Variants in SYT9 observed in about 807,000 individuals in gnomAD.
SYT9 encodes the protein synaptotagmin 9.
In SYT9, 22 loss-of-function variants were observed where a neutral mutation model predicts 48.4. That is an observed-to-expected ratio of 0.45 (90% CI 0.32 to 0.65). SYT9 has a LOEUF of 0.65. SYT9 is among the 30% of genes least tolerant of loss of function. SYT9 has a pLI of 0.03. For missense variants in SYT9, 577 were observed against 622.0 expected (o/e 0.93, Z 0.77); for synonymous variants, 265 against 245.0 (o/e 1.08, Z -0.76).
intron 3 of SYT9, among the ~76,000 whole-genome samples, chr11:7,412,008 T>C (rs1847144505): frequency 6.6e-6 from 1 of 152,214 alleles, no homozygotes; most frequent in African/African-American, 2.4e-5. Flanking sequence ...GACTGTATTT[T>C]GTATTTTATT....
chr11:7,417,642 C>G (rs1847277275), intron 4 of SYT9, among the ~76,000 whole-genome samples: 1 of 152,218 alleles, frequency 6.6e-6, no homozygotes, highest in African/African-American at 2.4e-5. Flanking sequence ...GTGCATTTCT[C>G]TTGCTATCCT....
chr11:7,311,843 A>G (rs896255957), intron 2 of SYT9, among the ~76,000 whole-genome samples: 1 of 152,206 alleles, frequency 6.6e-6, no homozygotes, highest in African/African-American at 2.4e-5. Context: ...TTCTAGCACT[A>G]CATTGGTTCC....
chr11:7,423,701 A>T (rs78920742), intron 6 of SYT9, among the ~76,000 whole-genome samples: 2 of 152,084 alleles, frequency 1.3e-5, no homozygotes, highest in African/African-American at 4.8e-5. Context: ...AATATCATCC[A>T]TGTGTGTCAT....
At chr11:7,423,781 GA>G (rs1847400211) in intron 6 of SYT9, among the ~76,000 whole-genome samples, 1 of 151,744 alleles carries the variant, frequency 6.6e-6, no homozygotes, top group African/African-American at 2.4e-5. Flanking sequence ...AGAGTGGGGG[GA>G]AGGGGTCATC....
At position 7,303,308 on chromosome 11, in the gene SYT9, T is replaced by C; in HGVS notation, c.415T>C (p.Ser139Pro). 1 of 1,613,924 alleles carries C rather than the reference T, an allele frequency of 6.2e-7. No homozygotes were observed. Among genetic ancestry groups the C allele is most frequent in the Non-Finnish European group, 8.5e-7 (1 of 1,180,008 alleles). ...CCACACCTCCCCTGACATTCCCCTC[T>C]CCACCCAGACGGGGATCCAGGAGAA... ...ISHTSPDIPL[S>P]TQTGIQENCA... The change falls in exon 2 of 7, where the codon TCC (serine) becomes CCC (proline). Residue 139 changes from serine to proline, a missense_variant. Physicochemically the swap from Ser to Pro is moderately conservative, Grantham distance 74. Transcript: ENST00000318881.
chr11:7,453,168 A>G (rs762275045), intron 6 of SYT9, among the ~76,000 whole-genome samples: 1 of 151,976 alleles, frequency 6.6e-6, no homozygotes, highest in Non-Finnish European at 1.5e-5. Flanking sequence ...AGGCGGATGG[A>G]TTGCTTGAGC....
chr11:7,352,850 G>C (rs571871915), intron 3 of SYT9, among the ~76,000 whole-genome samples: 2 of 152,194 alleles, frequency 1.3e-5, no homozygotes, highest in Non-Finnish European at 2.9e-5. Context: ...TCTTGACTGC[G>C]TGCAGTGATC....
At chr11:7,317,192 A>G (rs945882836) in intron 3 of SYT9, among the ~76,000 whole-genome samples, 1 of 152,188 alleles carries the variant, frequency 6.6e-6, no homozygotes, top group Non-Finnish European at 1.5e-5. Flanking sequence ...GTCAGGAAAG[A>G]TATTTCTCCT....
intron 3 of SYT9, 70 bp from the exon 4 acceptor site, chr11:7,415,972 C>A: frequency 1.2e-6 from 2 of 1,603,272 alleles, no homozygotes; most frequent in Non-Finnish European, 1.7e-6. Context: ...TCAGTGTGGC[C>A]TGAAGCTGAG....
At chr11:7,292,548 C>T (rs1340987173) in intron 1 of SYT9, among the ~76,000 whole-genome samples, 1 of 152,212 alleles carries the variant, frequency 6.6e-6, no homozygotes, top group African/African-American at 2.4e-5. Context: ...CTCCACACAG[C>T]CCTACAGGGC....
intron 3 of SYT9, among the ~76,000 whole-genome samples, chr11:7,337,357 C>T (rs1403055074): frequency 6.6e-6 from 1 of 151,988 alleles, no homozygotes; most frequent in Non-Finnish European, 1.5e-5. Context: ...TGCCTGATTG[C>T]TCTTTCTCTG....
rs1197476964 is a variant in SYT9 at position 7,417,939 on chromosome 11, T to G, written c.1166-18T>G. 1 of 1,609,026 alleles carries G rather than the reference T, an allele frequency of 6.2e-7. No individual in the cohort carries two copies. Among genetic ancestry groups the G allele is most frequent in the Non-Finnish European group, 8.5e-7 (1 of 1,177,924 alleles). On this transcript the variant is annotated intron_variant, in intron 4 of 6. Transcript: ENST00000318881. ...ATACGTATCCTCACAGTACTCCTGCTTCTCATGGTCTGTCCAGATCCCTAT... is the reference window on the plus strand; with the variant it reads ...ATACGTATCCTCACAGTACTCCTGCGTCTCATGGTCTGTCCAGATCCCTAT...
At chr11:7,437,786 C>T (rs1010273352) in intron 6 of SYT9, 9 of 152,252 alleles carry the variant, frequency 5.9e-5, no homozygotes, top group African/African-American at 1.9e-4. Flanking sequence ...ATTTTTACCA[C>T]AAATATTTAA....
At chr11:7,463,123 AC>A (rs1479807470) in intron 6 of SYT9, among the ~76,000 whole-genome samples, 1 of 152,024 alleles carries the variant, frequency 6.6e-6, no homozygotes, top group Admixed American at 6.6e-5. Flanking sequence ...TACCTTCTAA[AC>A]CCCTGGTACT....
intron 6 of SYT9, among the ~76,000 whole-genome samples, chr11:7,454,776 G>T (rs1848117010): frequency 6.6e-6 from 1 of 152,138 alleles, no homozygotes; most frequent in Admixed American, 6.5e-5. Flanking sequence ...TCTTGCAGGT[G>T]GTTTCTTCAC....
At chr11:7,258,171 C>T (rs1204982870) in intron 1 of SYT9, among the ~76,000 whole-genome samples, 1 of 152,152 alleles carries the variant, frequency 6.6e-6, no homozygotes, top group South Asian at 2.1e-4. Context: ...TAATCTCTTC[C>T]TAACAGGTTG....
chr11:7,329,903 C>G (rs1465499619), intron 3 of SYT9, among the ~76,000 whole-genome samples: 3 of 152,132 alleles, frequency 2.0e-5, no homozygotes, highest in African/African-American at 7.2e-5. Flanking sequence ...CATGCCAGCT[C>G]TGTTGGGATT....
chr11:7,395,438 T>C (rs1195833391), intron 3 of SYT9, among the ~76,000 whole-genome samples: 1 of 152,134 alleles, frequency 6.6e-6, no homozygotes. Flanking sequence ...CTAATGCTTC[T>C]TGGTGGGATG....
At chr11:7,281,959 C>A (rs1421019120) in intron 1 of SYT9, among the ~76,000 whole-genome samples, 1 of 152,142 alleles carries the variant, frequency 6.6e-6, no homozygotes, top group Non-Finnish European at 1.5e-5. Context: ...CTGTACTGAC[C>A]TTTGTAATTA....
Sources: gnomAD v4.1 joint callset for allele counts (sites outside exome capture counted in the v4.1 genomes callset) on GRCh38, gnomAD v4.1.1 for gene constraint, MANE v1.5 for transcripts, NCBI Gene and HGNC (gene_info 2026-07-23, HGNC 2026-07-21) for gene names.